Variants in ZPBP observed in about 807,000 individuals in gnomAD.
ZPBP encodes the protein zona pellucida-binding protein 1.
In ZPBP, 26 loss-of-function variants were observed where a neutral mutation model predicts 44.8. That is an observed-to-expected ratio of 0.58 (90% CI 0.43 to 0.81). The LOEUF is 0.81. Among genes scored for constraint, ZPBP ranks in the 30% least tolerant of loss-of-function variants. ZPBP has a pLI of 0.00. For synonymous variants in ZPBP, 174 were observed against 153.2 expected (o/e 1.14, Z -1.00); for missense variants, 409 against 434.0 (o/e 0.94, Z 0.51).
rs200031405 is a variant in ZPBP, at chr7:50,028,654, A to AT, written c.706+2437dup. Among the ~76,000 whole-genome samples the AT allele has an allele frequency of 2.7e-3, 405 of 150,136 alleles. 3 individuals carry two copies. The highest frequency in any genetic ancestry group is 6.5e-3 in the African/African-American group (266 of 41,018). ...GAATTCAACCAAAGGTGCACAATCC[A>AT]TTTTAAAAAAAAAAAAACCCAGTGT... On this transcript the variant is annotated intron_variant, in intron 5 of 7. Transcript: ENST00000046087.
chr7:50,082,963 T>C (rs1802445006), intron 2 of ZPBP, among the ~76,000 whole-genome samples: 1 of 151,856 alleles, frequency 6.6e-6, no homozygotes, highest in African/African-American at 2.4e-5. Flanking sequence ...CTTTTGCATA[T>C]ATCTCACTAT....
chr7:49,944,189 G>A (rs1795002925), intron 7 of ZPBP: 1 of 336,934 alleles, frequency 3.0e-6, no homozygotes, highest in African/African-American at 2.2e-5. Flanking sequence ...AATCACATGT[G>A]CATTTTCAAA....
chr7:50,057,432 T>C (rs777543098), intron 4 of ZPBP, among the ~76,000 whole-genome samples: 4 of 152,156 alleles, frequency 2.6e-5, no homozygotes, highest in Non-Finnish European at 5.9e-5. Flanking sequence ...TGTGTGCCTC[T>C]GACCTAACTC....
rs1160925364 is a variant in ZPBP at position 50,028,295 on chromosome 7, C to A, written c.706+2797G>T. Among the ~76,000 whole-genome samples, 3 of 151,138 alleles carry A rather than the reference C, an allele frequency of 2.0e-5. No homozygotes were observed. The East Asian group carries it at 5.9e-4, about 30-fold the overall frequency. ...GGCAGGGTGAAAATTAAAAAAAAAA[C>A]ACATGATAATCTCATTTCATATAAA... is the stretch of plus-strand genomic sequence containing the variant. On this transcript the variant is annotated intron_variant, in intron 5 of 7. Transcript: ENST00000046087.
At chr7:49,940,100 G>A (rs1417403346) in intron 7 of ZPBP, among the ~76,000 whole-genome samples, 2 of 152,080 alleles carry the variant, frequency 1.3e-5, no homozygotes, top group Admixed American at 1.3e-4. Context: ...AGACATGATT[G>A]GGAACATGGG....
intron 4 of ZPBP, among the ~76,000 whole-genome samples, chr7:50,041,247 C>T (rs563767725): frequency 3.9e-5 from 6 of 152,318 alleles, no homozygotes; most frequent in South Asian, 2.1e-4. Flanking sequence ...CAGGCTTAAC[C>T]GCTCCTGCCT....
chr7:49,960,432 A>C (rs974884858), intron 7 of ZPBP, among the ~76,000 whole-genome samples: 4 of 151,266 alleles, frequency 2.6e-5, no homozygotes, highest in Non-Finnish European at 5.9e-5. Context: ...CAAACAAACA[A>C]AAAAAAAACA....
At chr7:49,942,128 G>A (rs1373672696) in intron 7 of ZPBP, 1 of 153,966 alleles carries the variant, frequency 6.5e-6, no homozygotes, top group Non-Finnish European at 1.5e-5. Flanking sequence ...AAGGACTTAA[G>A]AGCTAAAACT....
downstream of ZPBP, among the ~76,000 whole-genome samples, chr7:49,933,997 A>C (rs1454878983): frequency 6.6e-6 from 1 of 151,870 alleles, no homozygotes; most frequent in Non-Finnish European, 1.5e-5. Flanking sequence ...GCACATGTAT[A>C]CATATGTAAC....
rs530276308 is a variant in ZPBP at position 49,988,581 on chromosome 7, C to T, written c.784-5062G>A. On this transcript the variant is annotated intron_variant, in intron 6 of 7. Coordinates refer to ENST00000046087, the MANE Select transcript of ZPBP (RefSeq NM_007009.3). ...AGTTATTATAAACCACAGAGATAACCAAATTTCTTTGTTAGTCATGTTTCT... is the reference window on the plus strand; with the variant it reads ...AGTTATTATAAACCACAGAGATAACTAAATTTCTTTGTTAGTCATGTTTCT... Among the ~76,000 whole-genome samples the T allele has an allele frequency of 2.9e-4, 44 of 152,088 alleles. 1 individual carries two copies. In the South Asian group the frequency reaches 8.9e-3, roughly 31 times the overall value.
intron 1 of ZPBP, among the ~76,000 whole-genome samples, chr7:49,908,572 G>T (rs953981597): frequency 6.6e-6 from 1 of 152,066 alleles, no homozygotes. Context: ...GTGTATGTGT[G>T]TTTTTATGTG....
chr7:49,893,339 C>G (rs952722210), intron 2 of ZPBP, among the ~76,000 whole-genome samples: 8 of 152,122 alleles, frequency 5.3e-5, no homozygotes, highest in Non-Finnish European at 1.2e-4. Flanking sequence ...ATAGCACTCC[C>G]TGGGAGTCAC....
At chr7:49,980,128 TTA>T (rs1467827208) in intron 7 of ZPBP, among the ~76,000 whole-genome samples, 2 of 108,510 alleles carry the variant, frequency 1.8e-5, no homozygotes, top group Admixed American at 1.3e-4. Flanking sequence ...TATATTATAA[TTA>T]TATATTATAT....
intron 1 of ZPBP, among the ~76,000 whole-genome samples, chr7:50,091,522 A>C (rs1390673052): frequency 6.6e-6 from 1 of 152,192 alleles, no homozygotes; most frequent in Non-Finnish European, 1.5e-5. Flanking sequence ...TAGGACCTGA[A>C]ACTATAAAAA....
chr7:49,883,912 T>A (rs1791785754), intron 2 of ZPBP, among the ~76,000 whole-genome samples: 1 of 152,216 alleles, frequency 6.6e-6, no homozygotes, highest in Non-Finnish European at 1.5e-5. Flanking sequence ...GGCTTCGGAT[T>A]GTCTTCTGCT....
chr7:50,062,196 C>T (rs893771109), intron 3 of ZPBP, among the ~76,000 whole-genome samples: 9 of 152,128 alleles, frequency 5.9e-5, no homozygotes, highest in East Asian at 3.9e-4. Flanking sequence ...AATGGAAAAA[C>T]ATTCCATGCT....
chr7:50,088,568 A>G (rs934726292), intron 2 of ZPBP, among the ~76,000 whole-genome samples: 2 of 152,038 alleles, frequency 1.3e-5, no homozygotes, highest in African/African-American at 4.8e-5. Context: ...TCAACAACAA[A>G]AAGAAAACCA....
chr7:49,863,418 C>A (rs954191944), intron 2 of ZPBP, among the ~76,000 whole-genome samples: 2 of 151,982 alleles, frequency 1.3e-5, no homozygotes, highest in African/African-American at 4.8e-5. Flanking sequence ...TTTGTTGATT[C>A]TCTCTCCCTT....
intron 7 of ZPBP, among the ~76,000 whole-genome samples, chr7:49,947,940 A>G (rs1272039539): frequency 6.6e-6 from 1 of 152,152 alleles, no homozygotes; most frequent in Non-Finnish European, 1.5e-5. Context: ...TCACTCCCCT[A>G]TTCTCAAGCA....
Sources: gnomAD v4.1 joint callset for allele counts (sites outside exome capture counted in the v4.1 genomes callset) on GRCh38, gnomAD v4.1.1 for gene constraint, MANE v1.5 for transcripts, NCBI Gene and HGNC (gene_info 2026-07-23, HGNC 2026-07-21) for gene names.